KCNIP4: variants seen among roughly 807,000 people sequenced by gnomAD.
KCNIP4 encodes potassium voltage-gated channel interacting protein 4, also known as Kv channel-interacting protein 4.
Under a neutral mutation model 34.0 loss-of-function variants are expected in KCNIP4, and 12 were observed. The observed-to-expected ratio is 0.35, with a 90% CI of 0.23 to 0.57. The LOEUF (loss-of-function observed/expected upper bound fraction) is 0.57. Ranked by LOEUF, KCNIP4 falls within the 20% of genes least tolerant of loss-of-function variation. KCNIP4 has a pLI of 0.83. For synonymous variants in KCNIP4, 124 were observed against 102.2 expected (o/e 1.21, Z -1.29); for missense variants, 238 against 311.7 (o/e 0.76, Z 1.78).
At chr4:21,629,974 T>C (rs1220948562) in intron 1 of KCNIP4, among the ~76,000 whole-genome samples, 1 of 147,718 alleles carries the variant, frequency 6.8e-6, no homozygotes, top group African/African-American at 2.5e-5. Flanking sequence ...CCTAATCCTC[T>C]CTACTAGCTG....
intron 2 of KCNIP4, among the ~76,000 whole-genome samples, chr4:20,855,508 T>G (rs945790824): frequency 6.6e-5 from 10 of 152,156 alleles, no homozygotes; most frequent in African/African-American, 2.2e-4. Context: ...CGAGCCATTT[T>G]TGACACTAAT....
intron 1 of KCNIP4, among the ~76,000 whole-genome samples, chr4:21,556,775 G>A (rs886163784): frequency 1.5e-4 from 22 of 151,626 alleles, no homozygotes; most frequent in African/African-American, 5.3e-4. Context: ...TCTAAAATTA[G>A]CCAAGCATAG....
chr4:21,797,914 G>A (rs13128189), intron 1 of KCNIP4, among the ~76,000 whole-genome samples: 11,845 of 152,100 alleles, frequency 0.078, 540 homozygotes, highest in Middle Eastern at 0.14. Flanking sequence ...GAGGCCAATG[G>A]AGATGAAGGA....
At chr4:21,271,663 G>C in intron 1 of KCNIP4, among the ~76,000 whole-genome samples, 1 of 152,122 alleles carries the variant, frequency 6.6e-6, no homozygotes, top group African/African-American at 2.4e-5. Context: ...ATCACCCCCA[G>C]GTGCTTTGGG....
intron 1 of KCNIP4, among the ~76,000 whole-genome samples, chr4:21,374,902 G>A (rs1720828383): frequency 2.0e-5 from 3 of 147,428 alleles, no homozygotes; most frequent in South Asian, 4.2e-4. Flanking sequence ...GCCATGGAAA[G>A]CATTTCTTGG....
intron 1 of KCNIP4, among the ~76,000 whole-genome samples, chr4:21,827,192 A>T (rs1722727506): frequency 6.6e-6 from 1 of 152,136 alleles, no homozygotes; most frequent in South Asian, 2.1e-4. Flanking sequence ...TAAATATTTC[A>T]CTCTAAATAG....
intron 1 of KCNIP4, among the ~76,000 whole-genome samples, chr4:21,509,796 G>A (rs1237388016): frequency 6.6e-6 from 1 of 152,010 alleles, no homozygotes; most frequent in East Asian, 1.9e-4. Context: ...ATTGCTGTTA[G>A]ACTGTAAATA....
At chr4:20,953,261 A>G (rs1268326202) in intron 1 of KCNIP4, among the ~76,000 whole-genome samples, 1 of 152,208 alleles carries the variant, frequency 6.6e-6, no homozygotes, top group Non-Finnish European at 1.5e-5. Context: ...GGAACCTCAG[A>G]GTGGCTTCGT....
chr4:21,772,169 T>G (rs1205456813), intron 1 of KCNIP4, among the ~76,000 whole-genome samples: 1 of 152,216 alleles, frequency 6.6e-6, no homozygotes, highest in East Asian at 1.9e-4. Flanking sequence ...TTTCTGCATC[T>G]ATTGAGATAA....
intron 1 of KCNIP4, among the ~76,000 whole-genome samples, chr4:21,873,018 T>C (rs1444763877): frequency 6.6e-6 from 1 of 152,200 alleles, no homozygotes; most frequent in African/African-American, 2.4e-5. Context: ...TATAGATTCA[T>C]TGATATCATT....
intron 3 of KCNIP4, among the ~76,000 whole-genome samples, chr4:20,818,689 C>A (rs924325414): frequency 6.6e-6 from 1 of 152,110 alleles, no homozygotes; most frequent in East Asian, 1.9e-4. Flanking sequence ...CAAATTATAA[C>A]ATTAATATGC....
intron 1 of KCNIP4, among the ~76,000 whole-genome samples, chr4:21,059,313 C>T (rs907560457): frequency 6.6e-6 from 1 of 152,078 alleles, no homozygotes; most frequent in African/African-American, 2.4e-5. Flanking sequence ...ATCTCTAATC[C>T]TGAATGCTGA....
At chr4:21,203,953 G>T (rs1360692465) in intron 1 of KCNIP4, among the ~76,000 whole-genome samples, 1 of 152,094 alleles carries the variant, frequency 6.6e-6, no homozygotes, top group Non-Finnish European at 1.5e-5. Context: ...TCCCAGAATG[G>T]CTCCAGGTAC....
intron 1 of KCNIP4, among the ~76,000 whole-genome samples, chr4:21,142,152 A>C (rs1231336887): frequency 0.11 from 4,987 of 43,748 alleles, 219 homozygotes; most frequent in African/African-American, 0.33. Context: ...CACCGTCTCA[A>C]AAAAAAAAAA....
intron 1 of KCNIP4, among the ~76,000 whole-genome samples, chr4:21,351,963 T>C: frequency 6.6e-6 from 1 of 152,176 alleles, no homozygotes; most frequent in East Asian, 1.9e-4. Flanking sequence ...ACCATCAGCC[T>C]TGAAACTAAT....
At chr4:20,826,740 A>G (rs1717808761) in intron 3 of KCNIP4, among the ~76,000 whole-genome samples, 1 of 152,218 alleles carries the variant, frequency 6.6e-6, no homozygotes, top group African/African-American at 2.4e-5. Flanking sequence ...CTGGAAGAAA[A>G]GAGCAAAAGA....
At chr4:20,881,713 G>A (rs971591785) in intron 2 of KCNIP4, among the ~76,000 whole-genome samples, 1 of 152,198 alleles carries the variant, frequency 6.6e-6, no homozygotes, top group Admixed American at 6.5e-5. Flanking sequence ...AAGTTCGGCA[G>A]GCTATAGTAC....
intron 3 of KCNIP4, among the ~76,000 whole-genome samples, chr4:20,782,540 G>A (rs1756963268): frequency 6.6e-6 from 1 of 152,082 alleles, no homozygotes; most frequent in Admixed American, 6.5e-5. Context: ...AAGCTGCCAG[G>A]GCTTAGGGCT....
At chr4:21,358,314 A>C (rs1476657812) in intron 1 of KCNIP4, among the ~76,000 whole-genome samples, 1 of 152,110 alleles carries the variant, frequency 6.6e-6, no homozygotes, top group Non-Finnish European at 1.5e-5. Flanking sequence ...AACTTAAAGT[A>C]TAATAATAAT....
Sources: gnomAD v4.1 joint callset for allele counts (sites outside exome capture counted in the v4.1 genomes callset) on GRCh38, gnomAD v4.1.1 for gene constraint, MANE v1.5 for transcripts, NCBI Gene and HGNC (gene_info 2026-07-23, HGNC 2026-07-21) for gene names.